Variants in AUTS2 observed in about 807,000 individuals in gnomAD.
The protein encoded by AUTS2 is activator of transcription and developmental regulator AUTS2.
In AUTS2, 17 loss-of-function variants were observed where a neutral mutation model predicts 112.4. The observed-to-expected ratio is 0.15, with a 90% CI of 0.10 to 0.23. The LOEUF is 0.23. Among genes scored for constraint, AUTS2 ranks in the 10% least tolerant of loss-of-function variants. AUTS2 has a pLI of 1.00. For missense variants in AUTS2, 1,510 were observed against 1,701.6 expected (o/e 0.89, Z 1.98); for synonymous variants, 751 against 702.7 (o/e 1.07, Z -1.09).
intron 4 of AUTS2, among the ~76,000 whole-genome samples, chr7:70,278,066 A>G (rs1384307929): frequency 6.6e-6 from 1 of 151,816 alleles, no homozygotes; most frequent in African/African-American, 2.4e-5. Context: ...CTTCCCTTTA[A>G]TCTGGTGCAT....
intron 6 of AUTS2, among the ~76,000 whole-genome samples, chr7:70,746,065 G>A (rs17762821): frequency 0.042 from 6,348 of 152,270 alleles, 136 homozygotes; most frequent in Middle Eastern, 0.12. Flanking sequence ...GTGCAGAATC[G>A]AAGTAAAGGC....
chr7:69,812,155 G>A (rs1294456382), intron 1 of AUTS2, among the ~76,000 whole-genome samples: 5 of 152,080 alleles, frequency 3.3e-5, no homozygotes, highest in South Asian at 4.1e-4. Flanking sequence ...GGAGAGCATC[G>A]TGTTACTGTA....
intron 6 of AUTS2, among the ~76,000 whole-genome samples, chr7:70,703,560 G>A (rs1809579615): frequency 6.7e-6 from 1 of 149,900 alleles, no homozygotes; most frequent in Non-Finnish European, 1.5e-5. Flanking sequence ...GCAGTTGACT[G>A]TGGAATAGCT....
intron 4 of AUTS2, among the ~76,000 whole-genome samples, chr7:70,425,347 TA>T (rs1445616115): frequency 1.1e-4 from 17 of 152,362 alleles, no homozygotes; most frequent in African/African-American, 2.9e-4. Flanking sequence ...AATCTATTCA[TA>T]TTCATTCTGC....
intron 4 of AUTS2, among the ~76,000 whole-genome samples, chr7:70,240,568 T>C (rs1164972675): frequency 6.6e-6 from 1 of 152,220 alleles, no homozygotes; most frequent in Non-Finnish European, 1.5e-5. Flanking sequence ...ACCATTCTTC[T>C]TTATGTTGGT....
intron 5 of AUTS2, among the ~76,000 whole-genome samples, chr7:70,475,469 TC>T (rs1219122063): frequency 6.6e-6 from 1 of 152,188 alleles, no homozygotes; most frequent in Non-Finnish European, 1.5e-5. Flanking sequence ...TGCTCCTAGG[TC>T]CATTTAAAGA....
At chr7:69,664,673 T>A (rs1370443932) in intron 1 of AUTS2, among the ~76,000 whole-genome samples, 1 of 152,226 alleles carries the variant, frequency 6.6e-6, no homozygotes, top group East Asian at 1.9e-4. Context: ...AAGCAAATTC[T>A]ATACACAAGC....
intron 4 of AUTS2, among the ~76,000 whole-genome samples, chr7:70,142,085 G>C (rs1220458905): frequency 6.6e-6 from 1 of 152,152 alleles, no homozygotes; most frequent in Admixed American, 6.5e-5. Flanking sequence ...GAGGGAATAG[G>C]CTGGGTATTT....
At position 69,763,144 on chromosome 7, in the gene AUTS2, C is replaced by T. The variant is rs181086145; in HGVS notation, c.310-136142C>T. Reference sequence around the variant, plus strand: ...ACTTGCATCACACCTTTTAATAAGGCGGTTTAAAAATATTTAGGGTGAACC... The same window carrying T: ...ACTTGCATCACACCTTTTAATAAGGTGGTTTAAAAATATTTAGGGTGAACC... On this transcript the variant is annotated intron_variant, in intron 1 of 18. Transcript: ENST00000342771. 1.7e-3 allele frequency among the ~76,000 whole-genome samples: 259 copies of T among 152,250 alleles called. 3 individuals carry two copies. The highest frequency in any genetic ancestry group is 5.7e-3 in the African/African-American group (235 of 41,536).
At chr7:69,989,716 C>G (rs1411416742) in intron 2 of AUTS2, among the ~76,000 whole-genome samples, 1 of 152,128 alleles carries the variant, frequency 6.6e-6, no homozygotes, top group Non-Finnish European at 1.5e-5. Context: ...TCTGTTTTCC[C>G]TAGAGAACAG....
At chr7:70,396,494 A>G (rs1287377510) in intron 4 of AUTS2, among the ~76,000 whole-genome samples, 6 of 151,660 alleles carry the variant, frequency 4.0e-5, no homozygotes, top group Non-Finnish European at 8.8e-5. Context: ...CCCCTGCCTC[A>G]GTCTTCAGAG....
chr7:70,115,777 A>G (rs1356314930), intron 2 of AUTS2, among the ~76,000 whole-genome samples: 3 of 152,254 alleles, frequency 2.0e-5, no homozygotes, highest in Non-Finnish European at 4.4e-5. Flanking sequence ...TAACTATGTT[A>G]TAACAATAGG....
chr7:70,050,156 A>G (rs759683003), intron 2 of AUTS2, among the ~76,000 whole-genome samples: 12 of 151,836 alleles, frequency 7.9e-5, no homozygotes, highest in Non-Finnish European at 1.8e-4. Context: ...CAGGAGTTCA[A>G]GACCATCCTG....
chr7:70,113,114 C>T (rs1805170544), intron 2 of AUTS2, among the ~76,000 whole-genome samples: 1 of 152,056 alleles, frequency 6.6e-6, no homozygotes, highest in Non-Finnish European at 1.5e-5. Flanking sequence ...AATTCCTTGC[C>T]CTGCCCTTGT....
intron 1 of AUTS2, among the ~76,000 whole-genome samples, chr7:69,849,531 C>T (rs1792364506): frequency 6.6e-6 from 1 of 152,072 alleles, no homozygotes; most frequent in African/African-American, 2.4e-5. Context: ...CTATCCTCCC[C>T]TCCACTGTCT....
intron 2 of AUTS2, among the ~76,000 whole-genome samples, chr7:69,953,630 G>C (rs565798563): frequency 3.3e-5 from 5 of 152,194 alleles, no homozygotes; most frequent in Admixed American, 3.3e-4. Context: ...TCATTGGAAG[G>C]GTGGCCAGCC....
chr7:70,618,207 G>C (rs1804479892), intron 5 of AUTS2, among the ~76,000 whole-genome samples: 1 of 152,228 alleles, frequency 6.6e-6, no homozygotes, highest in South Asian at 2.1e-4. Flanking sequence ...CTGCTGCGCT[G>C]GTCCCGTGAG....
intron 1 of AUTS2, among the ~76,000 whole-genome samples, chr7:69,604,408 G>A (rs1022248986): frequency 1.3e-5 from 2 of 152,202 alleles, no homozygotes; most frequent in Non-Finnish European, 2.9e-5. Flanking sequence ...TAAATCTAGC[G>A]TTTTGAGAAA....
At chr7:70,006,530 T>C (rs1453079797) in intron 2 of AUTS2, among the ~76,000 whole-genome samples, 2 of 152,170 alleles carry the variant, frequency 1.3e-5, no homozygotes, top group Non-Finnish European at 2.9e-5. Context: ...TTCCTGTCAT[T>C]TCCCATCTTG....
Sources: gnomAD v4.1 joint callset for allele counts (sites outside exome capture counted in the v4.1 genomes callset) on GRCh38, gnomAD v4.1.1 for gene constraint, MANE v1.5 for transcripts, NCBI Gene and HGNC (gene_info 2026-07-23, HGNC 2026-07-21) for gene names.